The following MICAL3 variants were observed in gnomAD, a reference collection of about 807,000 sequenced individuals.
MICAL3 encodes microtubule associated monooxygenase, calponin and LIM domain containing 3.
In MICAL3, 62 loss-of-function variants were observed where a neutral mutation model predicts 207.4. That is an observed-to-expected ratio of 0.30 (90% CI 0.24 to 0.37). The LOEUF (loss-of-function observed/expected upper bound fraction) is 0.37, where lower values mean the gene tolerates loss of function less well. Ranked by LOEUF, MICAL3 falls within the 10% of genes least tolerant of loss-of-function variation. The pLI is 1.00. For missense variants in MICAL3, 2,368 were observed against 2,635.6 expected, an observed-to-expected ratio of 0.90 and a Z score of 2.22; for synonymous variants, 1,077 against 1,069.3, an observed-to-expected ratio of 1.01 and a Z score of -0.14.
chr22:17,912,451 T>C (rs1029377803), intron 1 of MICAL3, among the ~76,000 whole-genome samples: 2 of 152,172 alleles, frequency 1.3e-5, no homozygotes, highest in African/African-American at 4.8e-5. Flanking sequence ...ATCTTAACAA[T>C]AGTAAGTCTT....
intron 21 of MICAL3, among the ~76,000 whole-genome samples, chr22:17,829,568 G>A (rs1040687179): frequency 1.3e-5 from 2 of 152,192 alleles, no homozygotes; most frequent in Non-Finnish European, 2.9e-5. Flanking sequence ...GTCAAAGAGT[G>A]CAGGGCCTTT....
At chr22:17,916,031 T>C (rs1287663880) in intron 1 of MICAL3, among the ~76,000 whole-genome samples, 2 of 114,360 alleles carry the variant, frequency 1.7e-5, no homozygotes, top group Non-Finnish European at 3.3e-5. Context: ...CATTCCAGCC[T>C]GGGGATGGAG....
intron 7 of MICAL3, chr22:17,899,195 T>G: frequency 1.9e-6 from 1 of 535,406 alleles, no homozygotes; most frequent in South Asian, 1.9e-5. Context: ...GGCCACGTGT[T>G]GAGAACTGTG....
intron 19 of MICAL3, among the ~76,000 whole-genome samples, chr22:17,858,081 T>C (rs992181039): frequency 1.3e-5 from 2 of 152,236 alleles, no homozygotes; most frequent in Non-Finnish European, 2.9e-5. Context: ...ACGTGGCTGG[T>C]AGAACCCGGA....
At chr22:17,888,981 C>A in intron 13 of MICAL3, 53 bp downstream of exon 13, 1 of 1,313,228 alleles carries the variant, frequency 7.6e-7, no homozygotes, top group Non-Finnish European at 1.1e-6. Context: ...GAAGAACAGC[C>A]GGGCCACAGC....
Position 17,911,838 on chromosome 22 carries a change from C to CA in MICAL3, c.-74-4953dup, listed in dbSNP as rs375170066. On this transcript the variant is annotated intron_variant, in intron 1 of 31. Transcript: ENST00000441493. ...CAGAGCAAGATCCTGTCTCAAAAAC[C>CA]AAAAAAAGAAAAAAGTAGGTGGAGA... is the stretch of plus-strand genomic sequence containing the variant. Among the ~76,000 whole-genome samples, 129 of 88,406 alleles carry CA rather than the reference C, an allele frequency of 1.5e-3. No individual in the cohort carries two copies. In the African/African-American group the frequency reaches 0.017, roughly 11 times the overall value. 58.0% of individuals were successfully genotyped at this position (88,406 alleles called of 152,430 possible).
At chr22:17,802,547 A>C (rs1310025678) in intron 29 of MICAL3, among the ~76,000 whole-genome samples, 1 of 148,682 alleles carries the variant, frequency 6.7e-6, no homozygotes, top group African/African-American at 2.6e-5. Flanking sequence ...GGAGTCTCCA[A>C]GGGCGTGGGT....
At chr22:17,996,709 C>A (rs556823089) in intron 1 of MICAL3, among the ~76,000 whole-genome samples, 1 of 152,156 alleles carries the variant, frequency 6.6e-6, no homozygotes, top group African/African-American at 2.4e-5. Context: ...TGACAGAGTG[C>A]GTGGCTGGAG....
intron 1 of MICAL3, among the ~76,000 whole-genome samples, chr22:17,970,330 A>G (rs80353667): frequency 0.041 from 6,232 of 152,280 alleles, 214 homozygotes; most frequent in African/African-American, 0.095. Flanking sequence ...GCCCATGCTT[A>G]GAGGATGTTC....
intron 1 of MICAL3, among the ~76,000 whole-genome samples, chr22:17,994,735 A>G (rs1490249840): frequency 6.7e-6 from 1 of 148,916 alleles, no homozygotes; most frequent in Non-Finnish European, 1.5e-5. Context: ...AAAAAAAAAG[A>G]AAAAAAAAGA....
At chr22:17,985,236 C>T (rs200360522) in intron 1 of MICAL3, among the ~76,000 whole-genome samples, 1 of 151,628 alleles carries the variant, frequency 6.6e-6, no homozygotes, top group Non-Finnish European at 1.5e-5. Flanking sequence ...AGGGGACAGC[C>T]CCTGCCTTTT....
rs1343052560 is a variant in MICAL3 at position 17,791,398 on chromosome 22, G to C, written c.5651-97C>G. Reference sequence around the variant, plus strand: ...CAAATGTGCAAAGAGGGCCGAGCAAGATGCTGCCGGAACTTCCACTCCCAA... The same window carrying C: ...CAAATGTGCAAAGAGGGCCGAGCAACATGCTGCCGGAACTTCCACTCCCAA... On this transcript the variant is annotated intron_variant, in intron 29 of 31. Coordinates refer to ENST00000441493, the MANE Select transcript of MICAL3 (RefSeq NM_015241.3). The C allele has an allele frequency of 6.6e-6, 7 of 1,056,748 alleles. No homozygotes were observed. In the East Asian group the frequency reaches 1.6e-4, roughly 23 times the overall value. 65.5% of individuals were successfully genotyped at this position (1,056,748 alleles called of 1,614,324 possible). A position where few individuals can be genotyped will look rare whatever the true frequency, so the allele number is the denominator to read the frequency against.
In MICAL3 at chr22:17,906,542, A is replaced by C. The variant is rs544357924; in HGVS notation, c.264+7T>G. ...TGACCCCAGGGCCCAACAGGAGCAA[A>C]GCTTACCTTGGTGTTAGTGCACGCT... On this transcript the variant is annotated splice_region_variant and intron_variant, in intron 2 of 31. Transcript: ENST00000441493. 164 of 1,611,928 alleles carry C rather than the reference A, an allele frequency of 1.0e-4. No individual in the cohort carries two copies. The highest frequency in any genetic ancestry group is 1.3e-4 in the Non-Finnish European group (159 of 1,178,628).
intron 3 of MICAL3, among the ~76,000 whole-genome samples, 156 bp downstream of exon 3, chr22:17,904,476 C>T (rs1461397171): frequency 6.6e-6 from 1 of 152,210 alleles, no homozygotes; most frequent in African/African-American, 2.4e-5. Flanking sequence ...GGTGTTTTTA[C>T]TTCAAGATGA....
chr22:17,877,162 T>C (rs62643865), intron 16 of MICAL3, among the ~76,000 whole-genome samples: 6 of 12,968 alleles, frequency 4.6e-4, no homozygotes, highest in South Asian at 2.4e-3. Context: ...AGGGAGGTTA[T>C]GGAGGTTAGG....
intron 3 of MICAL3, among the ~76,000 whole-genome samples, chr22:17,903,657 G>A (rs1289491230): frequency 2.0e-5 from 3 of 152,178 alleles, no homozygotes; most frequent in Non-Finnish European, 2.9e-5. Context: ...TAAGCTCTGC[G>A]CTAGCACAGT....
intron 2 of MICAL3, among the ~76,000 whole-genome samples, chr22:17,906,050 C>T (rs1479743512): frequency 1.3e-5 from 2 of 152,156 alleles, no homozygotes; most frequent in African/African-American, 2.4e-5. Flanking sequence ...ACCCCAAAGC[C>T]GTGTTCAGAC....
At chr22:17,876,293 AT>A (rs1312323282) in intron 16 of MICAL3, 1 of 152,236 alleles carries the variant, frequency 6.6e-6, no homozygotes, top group East Asian at 1.9e-4. Flanking sequence ...TAACTGCTTC[AT>A]TTCCCACCAG....
chr22:17,892,924 C>G (rs1464875615), intron 11 of MICAL3, among the ~76,000 whole-genome samples: 2 of 152,196 alleles, frequency 1.3e-5, no homozygotes, highest in African/African-American at 4.8e-5. Context: ...TGCCCCTGCC[C>G]ATCGACTTCA....
Sources: gnomAD v4.1 joint callset for allele counts (sites outside exome capture counted in the v4.1 genomes callset) on GRCh38, gnomAD v4.1.1 for gene constraint, MANE v1.5 for transcripts, NCBI Gene and HGNC (gene_info 2026-07-23, HGNC 2026-07-21) for gene names.